PIBF1: variants seen among roughly 807,000 people sequenced by gnomAD.
The protein encoded by PIBF1 is progesterone immunomodulatory binding factor 1, also known as progesterone-induced-blocking factor 1.
PIBF1 carries 90 observed loss-of-function variants against 112.5 expected under a neutral mutation model. The observed-to-expected ratio is 0.80, with a 90% CI of 0.67 to 0.95. The LOEUF (loss-of-function observed/expected upper bound fraction) is 0.95. PIBF1 is among the 40% of genes least tolerant of loss of function. The probability of loss-of-function intolerance (pLI) is 0.00; values close to 1 mark genes in which losing one functional copy is unlikely to be tolerated. For synonymous variants in PIBF1, 301 were observed against 288.6 expected, an observed-to-expected ratio of 1.04 and a Z score of -0.44; for missense variants, 915 against 852.3, an observed-to-expected ratio of 1.07 and a Z score of -0.92.
In PIBF1 at chr13:73,011,351, G is replaced by A. The variant is rs2044196812; in HGVS notation, c.2224-4518G>A. On this transcript the variant is annotated intron_variant, in intron 17 of 17. Transcript: ENST00000326291. ...TCATAGAAGGAACCCCCACACTCTT[G>A]TGAATTTTAACTTTAGAAGCTTGAC... 2.6e-5 allele frequency among the ~76,000 whole-genome samples: 4 copies of A among 152,152 alleles called. No individual in the cohort carries two copies. In the South Asian group the frequency reaches 6.2e-4, roughly 24 times the overall value.
intron 13 of PIBF1, among the ~76,000 whole-genome samples, 160 bp from the exon 14 acceptor site, chr13:72,931,005 A>T (rs1183298249): frequency 6.6e-6 from 1 of 152,208 alleles, no homozygotes; most frequent in Non-Finnish European, 1.5e-5. Context: ...TTGGTCTTCC[A>T]CTACTGGTGC....
chr13:72,871,980 C>A (rs2039186268), intron 10 of PIBF1, among the ~76,000 whole-genome samples: 1 of 152,092 alleles, frequency 6.6e-6, no homozygotes, highest in Admixed American at 6.6e-5. Flanking sequence ...GATCCTCTTA[C>A]AATAGAGGCA....
intron 12 of PIBF1, among the ~76,000 whole-genome samples, chr13:72,916,244 T>C (rs1374575774): frequency 6.6e-6 from 1 of 151,826 alleles, no homozygotes; most frequent in East Asian, 1.9e-4. Flanking sequence ...CAAAAAAAAT[T>C]AGCCGGGCTT....
intron 1 of PIBF1, 65 bp from the exon 2 acceptor site, chr13:72,783,358 A>G (rs2034402488): frequency 1.3e-6 from 1 of 748,378 alleles, no homozygotes; most frequent in African/African-American, 1.8e-5. Context: ...TCTCTCTTTA[A>G]TACAGTCCAT....
intron 9 of PIBF1, among the ~76,000 whole-genome samples, chr13:72,841,616 C>CA (rs925353420): frequency 2.0e-5 from 3 of 151,538 alleles, no homozygotes; most frequent in South Asian, 2.1e-4. Context: ...AGTGAAAATA[C>CA]AAAAAAAATT....
At chr13:72,904,093 A>AT (rs11436137) in intron 11 of PIBF1, among the ~76,000 whole-genome samples, 17,227 of 146,994 alleles carry the variant, frequency 0.12, 2,812 homozygotes, top group African/African-American at 0.37. Flanking sequence ...TGGGTAAAAG[A>AT]TTTTTTTTTT....
At chr13:72,867,924 T>G (rs1234766828) in intron 10 of PIBF1, among the ~76,000 whole-genome samples, 1 of 152,218 alleles carries the variant, frequency 6.6e-6, no homozygotes, top group Non-Finnish European at 1.5e-5. Context: ...AGATTATTCA[T>G]AGATTCTCTG....
intron 5 of PIBF1, among the ~76,000 whole-genome samples, chr13:72,812,283 T>G (rs971942430): frequency 1.3e-5 from 2 of 152,200 alleles, no homozygotes; most frequent in African/African-American, 4.8e-5. Context: ...ACTTTATGAT[T>G]TAATTTTTTT....
chr13:72,959,862 C>T (rs2042558334), intron 14 of PIBF1, among the ~76,000 whole-genome samples: 1 of 152,080 alleles, frequency 6.6e-6, no homozygotes, highest in Admixed American at 6.5e-5. Flanking sequence ...GTATATGATT[C>T]CTGAGTCACT....
chr13:72,817,507 C>T (rs1242805574), intron 5 of PIBF1, among the ~76,000 whole-genome samples: 2 of 152,124 alleles, frequency 1.3e-5, no homozygotes, highest in Non-Finnish European at 2.9e-5. Flanking sequence ...CTTCCACAGA[C>T]ATTAATTGCA....
At chr13:72,855,198 C>T (rs1249509854) in intron 10 of PIBF1, among the ~76,000 whole-genome samples, 1 of 152,036 alleles carries the variant, frequency 6.6e-6, no homozygotes, top group Admixed American at 6.5e-5. Flanking sequence ...ATAAGCAATA[C>T]ATAAAACTAA....
chr13:72,874,024 G>C (rs529993053), intron 10 of PIBF1, among the ~76,000 whole-genome samples: 1 of 152,174 alleles, frequency 6.6e-6, no homozygotes, highest in South Asian at 2.1e-4. Context: ...CAGGAAAATG[G>C]AAATTATACC....
intron 9 of PIBF1, among the ~76,000 whole-genome samples, chr13:72,842,754 C>T (rs35684344): frequency 0.022 from 3,342 of 152,180 alleles, 135 homozygotes; most frequent in African/African-American, 0.076. Flanking sequence ...TAAGTTCTTC[C>T]ATGGAAAAAT....
intron 9 of PIBF1, among the ~76,000 whole-genome samples, chr13:72,851,407 C>G (rs943598502): frequency 6.6e-6 from 1 of 152,240 alleles, no homozygotes; most frequent in African/African-American, 2.4e-5. Flanking sequence ...CAGGTGTGCC[C>G]GCTCTTGGGG....
At chr13:72,994,952 G>T (rs1254726529) in intron 16 of PIBF1, among the ~76,000 whole-genome samples, 1 of 152,098 alleles carries the variant, frequency 6.6e-6, no homozygotes, top group African/African-American at 2.4e-5. Flanking sequence ...ATGTCAAAAA[G>T]GTCGGTGTAA....
intron 11 of PIBF1, among the ~76,000 whole-genome samples, chr13:72,903,507 G>T (rs1329227427): frequency 6.6e-6 from 1 of 152,116 alleles, no homozygotes; most frequent in Non-Finnish European, 1.5e-5. Context: ...TTCTATATCT[G>T]CAATATCCAG....
chr13:72,850,161 T>G (rs1435644187), intron 9 of PIBF1, among the ~76,000 whole-genome samples: 1 of 152,188 alleles, frequency 6.6e-6, no homozygotes, highest in Non-Finnish European at 1.5e-5. Context: ...ATAAGGAGAT[T>G]GGGTTTACAC....
chr13:72,873,379 C>T (rs78685056), intron 10 of PIBF1, among the ~76,000 whole-genome samples: 1 of 152,046 alleles, frequency 6.6e-6, no homozygotes, highest in Non-Finnish European at 1.5e-5. Flanking sequence ...ACATAAAGAA[C>T]GTGAACCATT....
At chr13:72,818,334 T>G (rs1479746425) in intron 5 of PIBF1, among the ~76,000 whole-genome samples, 1 of 152,134 alleles carries the variant, frequency 6.6e-6, no homozygotes. Context: ...AGATTTAGTC[T>G]TCCTTTCCAC....
Sources: allele counts gnomAD v4.1 joint callset (sites outside exome capture counted in the v4.1 genomes callset), GRCh38; gene constraint gnomAD v4.1.1; transcripts MANE v1.5; gene names NCBI Gene and HGNC (gene_info 2026-07-23, HGNC 2026-07-21).